PDE7A: variants seen among roughly 807,000 people sequenced by gnomAD.
The protein encoded by PDE7A is high affinity 3',5'-cyclic-AMP phosphodiesterase 7A.
A neutral mutation model predicts 64.3 loss-of-function variants in PDE7A; 39 were observed. That is an observed-to-expected ratio of 0.61 (90% confidence interval 0.47 to 0.79). The LOEUF is 0.79. PDE7A is among the 30% of genes least tolerant of loss of function. PDE7A has a pLI of 0.00. For missense variants in PDE7A, 470 were observed against 582.8 expected (o/e 0.81, Z 1.99); for synonymous variants, 203 against 206.8 (o/e 0.98, Z 0.16).
chr8:65,725,205 T>TAA, intron 9 of PDE7A: 3 of 207,918 alleles, frequency 1.4e-5, no homozygotes, highest in East Asian at 1.0e-4. Flanking sequence ...TTATTTGCTT[T>TAA]AAAAAAAAAA....
At chr8:65,755,627 T>G (rs1190531164) in intron 3 of PDE7A, among the ~76,000 whole-genome samples, 1 of 152,238 alleles carries the variant, frequency 6.6e-6, no homozygotes, top group Non-Finnish European at 1.5e-5. Context: ...CATTTGCCTT[T>G]TAAATCATAT....
At chr8:65,747,219 A>C in intron 4 of PDE7A, among the ~76,000 whole-genome samples, 1 of 152,206 alleles carries the variant, frequency 6.6e-6, no homozygotes, top group Non-Finnish European at 1.5e-5. Flanking sequence ...AAAGAGAGAG[A>C]GACCTAACTT....
chr8:65,831,308 C>G (rs772792132), intron 1 of PDE7A, among the ~76,000 whole-genome samples: 3 of 152,140 alleles, frequency 2.0e-5, no homozygotes, highest in Non-Finnish European at 4.4e-5. Context: ...TACAAATGCA[C>G]ACATTTGTTT....
chr8:65,766,640 CCTCT>C (rs1808800720), intron 3 of PDE7A, among the ~76,000 whole-genome samples: 2 of 152,208 alleles, frequency 1.3e-5, no homozygotes, highest in African/African-American at 4.8e-5. Context: ...CATGCATCAC[CCTCT>C]CTCTATTTCT....
At chr8:65,807,701 T>C (rs1250241928) in intron 1 of PDE7A, among the ~76,000 whole-genome samples, 2 of 152,206 alleles carry the variant, frequency 1.3e-5, no homozygotes, top group African/African-American at 2.4e-5. Context: ...GGAAGTTCCC[T>C]TCTATTCCTA....
chr8:65,831,834 CACTTG>C (rs1320738978), intron 1 of PDE7A, among the ~76,000 whole-genome samples: 3 of 152,132 alleles, frequency 2.0e-5, no homozygotes, highest in African/African-American at 4.8e-5. Flanking sequence ...AAATACAACT[CACTTG>C]ACTTATTATT....
At chr8:65,818,199 C>G (rs1447047176) in intron 1 of PDE7A, among the ~76,000 whole-genome samples, 2 of 152,140 alleles carry the variant, frequency 1.3e-5, no homozygotes, top group African/African-American at 4.8e-5. Context: ...TAGGGACATT[C>G]AGAGACAATT....
intron 3 of PDE7A, among the ~76,000 whole-genome samples, chr8:65,751,251 T>A (rs1376932876): frequency 6.6e-6 from 1 of 152,188 alleles, no homozygotes; most frequent in Non-Finnish European, 1.5e-5. Flanking sequence ...TGTCTAAGAT[T>A]TAATAGAGGA....
intron 1 of PDE7A, among the ~76,000 whole-genome samples, chr8:65,797,185 C>T (rs2128927227): frequency 6.6e-6 from 1 of 152,234 alleles, no homozygotes; most frequent in East Asian, 1.9e-4. Context: ...TGTGTCCCCC[C>T]AAAAGATATG....
intron 3 of PDE7A, among the ~76,000 whole-genome samples, chr8:65,764,157 A>G (rs1320138557): frequency 1.3e-5 from 2 of 152,228 alleles, no homozygotes; most frequent in Non-Finnish European, 2.9e-5. Context: ...TAGAAAAGAG[A>G]TAGGAGCATG....
chr8:65,751,370 C>T (rs965188400), intron 3 of PDE7A, among the ~76,000 whole-genome samples: 7 of 152,118 alleles, frequency 4.6e-5, no homozygotes, highest in African/African-American at 1.7e-4. Context: ...AAGAAAATAA[C>T]AGTGAATGAT....
chr8:65,746,078 G>A (rs1304305073), intron 4 of PDE7A, among the ~76,000 whole-genome samples: 2 of 151,446 alleles, frequency 1.3e-5, no homozygotes, highest in African/African-American at 2.4e-5. Flanking sequence ...CTACAAGCAT[G>A]TGTTACCATA....
intron 1 of PDE7A, among the ~76,000 whole-genome samples, chr8:65,820,359 T>C (rs1810513157): frequency 6.6e-6 from 1 of 152,068 alleles, no homozygotes; most frequent in South Asian, 2.1e-4. Flanking sequence ...TCATGCCACT[T>C]CATTACAGCC....
At chr8:65,721,497 C>T (rs1186200621) in intron 12 of PDE7A, among the ~76,000 whole-genome samples, 3 of 152,178 alleles carry the variant, frequency 2.0e-5, no homozygotes, top group Non-Finnish European at 2.9e-5. Flanking sequence ...CTCAAAGCAC[C>T]GGTCCCCTAG....
At chr8:65,798,795 C>T (rs1448127757) in intron 1 of PDE7A, among the ~76,000 whole-genome samples, 4 of 152,130 alleles carry the variant, frequency 2.6e-5, no homozygotes, top group Non-Finnish European at 2.9e-5. Flanking sequence ...AACTTGAACA[C>T]AAATATTCAT....
intron 1 of PDE7A, among the ~76,000 whole-genome samples, chr8:65,819,029 A>G (rs959807814): frequency 3.9e-5 from 6 of 152,318 alleles, no homozygotes; most frequent in African/African-American, 1.4e-4. Flanking sequence ...CAAATTCAAG[A>G]GCATAACATT....
rs112899909 is a variant in PDE7A, at chr8:65,724,425, G to A, written c.1066-74C>T. On this transcript the variant is annotated intron_variant, in intron 10 of 12. Transcript: ENST00000401827. ...AATAATACCAAAGAACCAAGTGCAA[G>A]GACTGGATTAACCATAAATATAAAT... The A allele has an allele frequency of 5.4e-3, 4,890 of 912,212 alleles. 158 individuals are homozygous for A. The African/African-American group carries it at 0.072, about 13-fold the overall frequency. The allele number at this position is 912,212 out of a possible 1,614,324, so 56.5% of individuals were successfully genotyped here.
intron 3 of PDE7A, among the ~76,000 whole-genome samples, chr8:65,768,220 A>G (rs1410362841): frequency 6.6e-6 from 1 of 152,324 alleles, no homozygotes; most frequent in South Asian, 2.1e-4. Context: ...AAATTTAAAC[A>G]GTATCTTTAA....
chr8:65,731,445 A>G (rs1806883609), intron 7 of PDE7A: 1 of 152,218 alleles, frequency 6.6e-6, no homozygotes, highest in Non-Finnish European at 1.5e-5. Context: ...TAGTTTAAGT[A>G]TAGTTATTAA....
Sources: gnomAD v4.1 joint callset for allele counts (sites outside exome capture counted in the v4.1 genomes callset) on GRCh38, gnomAD v4.1.1 for gene constraint, MANE v1.5 for transcripts, NCBI Gene and HGNC (gene_info 2026-07-23, HGNC 2026-07-21) for gene names.